Variants in WARS1 observed in about 807,000 individuals in gnomAD.
WARS1 encodes the protein tryptophanyl-tRNA synthetase 1, also known as tryptophan--tRNA ligase, cytoplasmic.
WARS1 carries 17 observed loss-of-function variants against 47.8 expected under a neutral mutation model. The observed-to-expected ratio is 0.36, with a 90% CI of 0.24 to 0.53. The LOEUF (loss-of-function observed/expected upper bound fraction) is 0.53. Ranked by LOEUF, WARS1 falls within the 20% of genes least tolerant of loss-of-function variation. The probability of loss-of-function intolerance (pLI) is 0.91; values close to 1 mark genes in which losing one functional copy is unlikely to be tolerated. For synonymous variants in WARS1, 208 were observed against 228.1 expected (o/e 0.91, Z 0.79); for missense variants, 434 against 608.0 (o/e 0.71, Z 3.01).
At position 100,373,691 on chromosome 14, in the gene WARS1, A is replaced by G. The variant is rs2140106058; in HGVS notation, c.-74+1592T>C. Among the ~76,000 whole-genome samples, 1 of 152,352 alleles carries G rather than the reference A, an allele frequency of 6.6e-6. No homozygotes were observed. The highest frequency in any genetic ancestry group is 1.9e-4 in the East Asian group (1 of 5,190). ...TGCATTTAGGGTCCATGTTGCAGGG[A>G]AAAACATGTGTCTATAAATATCAGA... On this transcript the variant is annotated intron_variant, in intron 1 of 10. Transcript: ENST00000392882. This position sits in a 1 kb window ranked among gnomAD's most constrained non-coding sequence, Gnocchi z 4.4.
chr14:100,374,671 G>C (rs1957453), intron 1 of WARS1: 105,057 of 152,136 alleles, frequency 0.69, 37,457 homozygotes, highest in Admixed American at 0.81. Context: ...TCTGGAGCAG[G>C]TGAGAAGAGA....
At chr14:100,360,937 G>C (rs1160850554) in intron 3 of WARS1, among the ~76,000 whole-genome samples, 1 of 152,092 alleles carries the variant, frequency 6.6e-6, no homozygotes, top group South Asian at 2.1e-4. Context: ...AACATATTCA[G>C]AATGCAGTCC....
At chr14:100,336,490 A>G (rs1001474923) in intron 10 of WARS1, among the ~76,000 whole-genome samples, 13 of 152,156 alleles carry the variant, frequency 8.5e-5, no homozygotes, top group African/African-American at 3.1e-4. Flanking sequence ...CCTCTGTTGT[A>G]CTGAGTCTGT....
At chr14:100,363,852 CTT>C (rs1895796782) in intron 2 of WARS1, among the ~76,000 whole-genome samples, 2 of 152,134 alleles carry the variant, frequency 1.3e-5, no homozygotes, top group Non-Finnish European at 2.9e-5. Flanking sequence ...GTCCCAAACT[CTT>C]GGCCTGAAGC....
chr14:100,360,098 A>G (rs4900463), intron 4 of WARS1, among the ~76,000 whole-genome samples: 104,087 of 152,106 alleles, frequency 0.68, 36,822 homozygotes, highest in Admixed American at 0.81. Flanking sequence ...CCTAAGGTAC[A>G]GATAATCTGT....
chr14:100,366,738 A>C (rs878935206), intron 2 of WARS1: 2 of 861,708 alleles, frequency 2.3e-6, no homozygotes, highest in South Asian at 1.3e-5. Context: ...AAGCTGGCTG[A>C]AAAAGGGCTA....
At chr14:100,362,013 CT>C in intron 2 of WARS1, 92 bp from the exon 3 acceptor site, 1 of 1,309,132 alleles carries the variant, frequency 7.6e-7, no homozygotes, top group Non-Finnish European at 1.1e-6. Context: ...GTGTTAAATG[CT>C]TTTACACGTG....
At chr14:100,365,124 TAC>T (rs59205319) in intron 2 of WARS1, among the ~76,000 whole-genome samples, 3,152 of 137,764 alleles carry the variant, frequency 0.023, 36 homozygotes, top group Non-Finnish European at 0.026. Flanking sequence ...TCTCAAAAAA[TAC>T]ACACACACAC....
At chr14:100,339,907 G>GA (rs1173479528) in intron 9 of WARS1, 2 of 152,250 alleles carry the variant, frequency 1.3e-5, no homozygotes, top group African/African-American at 4.8e-5. Context: ...TGTTTTTCAA[G>GA]ATGTGCTGGC....
chr14:100,361,977 T>C, intron 2 of WARS1, 56 bp from the exon 3 acceptor site: 1 of 1,560,646 alleles, frequency 6.4e-7, no homozygotes, highest in Admixed American at 1.8e-5. Context: ...TGATATGTGC[T>C]GAATGCCTAT....
chr14:100,349,931 G>T (rs1348805474), intron 6 of WARS1, among the ~76,000 whole-genome samples: 1 of 152,194 alleles, frequency 6.6e-6, no homozygotes, highest in African/African-American at 2.4e-5. Context: ...AAAGTAAAAT[G>T]CTCAAATGTT....
chr14:100,366,143 GCA>G (rs980205673), intron 2 of WARS1: 33 of 455,654 alleles, frequency 7.2e-5, no homozygotes, highest in African/African-American at 6.4e-4. Flanking sequence ...CACAGTTGGG[GCA>G]CTGGCAGCAC....
intron 2 of WARS1, among the ~76,000 whole-genome samples, chr14:100,364,103 T>A (rs192793601): frequency 8.3e-4 from 127 of 152,282 alleles, no homozygotes; most frequent in African/African-American, 2.8e-3. Context: ...GTGTGGTCAT[T>A]TTGTGAAAAT....
chr14:100,342,705 T>TTA, intron 8 of WARS1, 134 bp from the exon 9 acceptor site: 1 of 550,552 alleles, frequency 1.8e-6, no homozygotes. Context: ...CTCCTCCCCT[T>TTA]CATCTTTTCC....
At chr14:100,344,447 C>T (rs924839841) in intron 7 of WARS1, among the ~76,000 whole-genome samples, 3 of 152,026 alleles carry the variant, frequency 2.0e-5, no homozygotes, top group Non-Finnish European at 4.4e-5. Context: ...CTCCACCTCC[C>T]AGCCGCCTGC....
At chr14:100,362,029 CTTAG>C (rs1005486360) in intron 2 of WARS1, 108 bp from the exon 3 acceptor site, 25 of 1,158,450 alleles carry the variant, frequency 2.2e-5, no homozygotes, top group Admixed American at 1.0e-4. Context: ...CACGTGTTAC[CTTAG>C]TTAGTGTCAC....
At position 100,361,774 on chromosome 14, in the gene WARS1, C is replaced by T; in HGVS notation, c.247G>A (p.Asp83Asn). ...TGTACTGTCCATGGGTCCACAAAAT[C>T]CTCTTCAGCTTCTGTGGCATCTGGG... ...HGPDATEAEE[D>N]FVDPWTVQTS... Residue 83 changes from aspartate (D) to asparagine (N), a missense_variant, in exon 3 of 11, where the codon GAT (aspartate) becomes AAT (asparagine). Asp to Asn is a conservative substitution (Grantham distance 23). This residue lies in a region of WARS1 where 347 missense variants were observed against 523.8 expected (regional missense o/e 0.66). Transcript: ENST00000392882. 1 of 1,614,154 alleles carries T rather than the reference C, an allele frequency of 6.2e-7. No individual in the cohort carries two copies. Among genetic ancestry groups the T allele is most frequent in the Non-Finnish European group, 8.5e-7 (1 of 1,180,032 alleles).
chr14:100,365,122 A>ACACACAC (rs1895877450), intron 2 of WARS1, among the ~76,000 whole-genome samples: 2 of 72,668 alleles, frequency 2.8e-5, no homozygotes, highest in South Asian at 5.4e-4. Context: ...TGTCTCAAAA[A>ACACACAC]ATACACACAC....
chr14:100,342,759 C>T (rs2139923417), intron 8 of WARS1, among the ~76,000 whole-genome samples, 188 bp from the exon 9 acceptor site: 1 of 151,446 alleles, frequency 6.6e-6, no homozygotes, highest in Non-Finnish European at 1.5e-5. Context: ...GATACATGTA[C>T]AGAACACGCA....
Sources: gnomAD v4.1 joint callset for allele counts (sites outside exome capture counted in the v4.1 genomes callset) on GRCh38, gnomAD v4.1.1 for gene constraint, gnomAD v4.1.1 regional missense constraint, Gnocchi (gnomAD v3.1) non-coding constraint, MANE v1.5 for transcripts, NCBI Gene and HGNC (gene_info 2026-07-23, HGNC 2026-07-21) for gene names.